RNF24: variants seen among roughly 807,000 people sequenced by gnomAD.
The protein encoded by RNF24 is ring finger protein 24.
RNF24 carries 14 observed loss-of-function variants against 20.0 expected under a neutral mutation model. The observed-to-expected ratio is 0.70, with a 90% confidence interval of 0.46 to 1.10. RNF24 has a LOEUF of 1.10. Ranked by LOEUF, RNF24 falls within the 50% of genes least tolerant of loss-of-function variation. The probability of loss-of-function intolerance (pLI) is 0.00; values close to 1 mark genes in which losing one functional copy is unlikely to be tolerated. For missense variants in RNF24, 124 were observed against 177.6 expected (o/e 0.70, Z 1.71); for synonymous variants, 45 against 61.1 (o/e 0.74, Z 1.23).
chr20:3,939,507 A>C (rs1006032856), intron 4 of RNF24, among the ~76,000 whole-genome samples: 47 of 152,164 alleles, frequency 3.1e-4, no homozygotes, highest in African/African-American at 1.1e-3. Flanking sequence ...ACTGACCATA[A>C]ATGTTTGAAT....
chr20:3,937,942 G>A (rs2090911419), intron 4 of RNF24, among the ~76,000 whole-genome samples: 1 of 152,200 alleles, frequency 6.6e-6, no homozygotes. Flanking sequence ...ATCTGGCTGA[G>A]TCCTTGTTTA....
Position 3,990,699 on chromosome 20 carries a change from T to C in RNF24, c.-8+24738A>G, listed in dbSNP as rs186491730. Among the ~76,000 whole-genome samples the C allele has an allele frequency of 9.9e-5, 15 of 151,958 alleles. No homozygotes were observed. The East Asian group carries it at 1.9e-3, about 20-fold the overall frequency. On this transcript the variant is annotated intron_variant, in intron 1 of 5. Transcript: ENST00000358395. The stretch of plus-strand genomic sequence containing the variant: ...CACAGTTAAAAAAATAATATATATA[T>C]ACACACACACATATATATATTTTTT...
intron 1 of RNF24, among the ~76,000 whole-genome samples, chr20:4,006,190 G>A (rs772666582): frequency 1.3e-5 from 2 of 152,250 alleles, no homozygotes; most frequent in Non-Finnish European, 2.9e-5. Context: ...CCAACATGGT[G>A]AAACCCTGTC....
chr20:3,946,138 T>A (rs1373047654), intron 3 of RNF24, among the ~76,000 whole-genome samples: 1 of 152,196 alleles, frequency 6.6e-6, no homozygotes, highest in Admixed American at 6.5e-5. Context: ...TACTTTCTAG[T>A]TAGCCTACAT....
intron 1 of RNF24, among the ~76,000 whole-genome samples, chr20:3,992,823 T>G (rs1223537363): frequency 6.6e-6 from 1 of 152,224 alleles, no homozygotes; most frequent in South Asian, 2.1e-4. Flanking sequence ...TTGGCTTAAA[T>G]AAGTCAAAAT....
chr20:3,970,248 C>T (rs370602714), intron 1 of RNF24, among the ~76,000 whole-genome samples: 4 of 152,072 alleles, frequency 2.6e-5, no homozygotes, highest in Non-Finnish European at 5.9e-5. Context: ...GCCCCGTCCC[C>T]GCCCCCCATG....
At chr20:4,009,073 C>T (rs1372306560) in intron 1 of RNF24, among the ~76,000 whole-genome samples, 1 of 152,174 alleles carries the variant, frequency 6.6e-6, no homozygotes, top group East Asian at 1.9e-4. Flanking sequence ...ACTTGTGCCA[C>T]CTGCTGTCCT....
intron 1 of RNF24, 170 bp downstream of exon 1, chr20:4,015,267 C>T (rs1229400358): frequency 6.6e-6 from 1 of 152,246 alleles, no homozygotes; most frequent in East Asian, 1.9e-4. Flanking sequence ...CACCGCCTCA[C>T]CCCTGCACAC....
chr20:3,946,242 G>A (rs241633), intron 3 of RNF24, among the ~76,000 whole-genome samples: 47,271 of 151,872 alleles, frequency 0.31, 8,069 homozygotes, highest in African/African-American at 0.46. Context: ...CGAGGTGGGC[G>A]GACTGCTTGA....
chr20:3,945,412 T>G (rs1036680766), intron 3 of RNF24, among the ~76,000 whole-genome samples, 194 bp from the exon 4 acceptor site: 1 of 152,142 alleles, frequency 6.6e-6, no homozygotes, highest in Non-Finnish European at 1.5e-5. Flanking sequence ...TGATGCAATA[T>G]TCTCCTAAAA....
intron 1 of RNF24, among the ~76,000 whole-genome samples, chr20:3,993,624 A>C (rs1406255753): frequency 6.6e-6 from 1 of 152,114 alleles, no homozygotes. Flanking sequence ...TTCCCATGAG[A>C]ACCTGCTGCC....
intron 1 of RNF24, among the ~76,000 whole-genome samples, chr20:3,980,566 G>A (rs1341696427): frequency 6.6e-6 from 1 of 152,124 alleles, no homozygotes; most frequent in East Asian, 1.9e-4. Context: ...AGTTGACCAT[G>A]AGTAACTGAA....
At chr20:3,940,642 T>C (rs1369541482) in intron 4 of RNF24, among the ~76,000 whole-genome samples, 3 of 152,112 alleles carry the variant, frequency 2.0e-5, no homozygotes, top group Admixed American at 1.3e-4. Context: ...TATCATAAAT[T>C]GCTGAAAACT....
chr20:3,991,893 T>C (rs919867730), intron 1 of RNF24, among the ~76,000 whole-genome samples: 60 of 151,914 alleles, frequency 3.9e-4, no homozygotes, highest in African/African-American at 1.3e-3. Context: ...TCTAATGAGA[T>C]TGCCGTTTCA....
intron 4 of RNF24, among the ~76,000 whole-genome samples, chr20:3,944,788 A>G (rs2090997855): frequency 1.3e-5 from 2 of 152,042 alleles, no homozygotes; most frequent in Admixed American, 1.3e-4. Flanking sequence ...TTCAATCCCT[A>G]CCCCCATGAG....
intron 1 of RNF24, among the ~76,000 whole-genome samples, chr20:4,013,502 C>T (rs1228256622): frequency 2.6e-5 from 4 of 151,942 alleles, no homozygotes; most frequent in Non-Finnish European, 5.9e-5. Context: ...TTTTTTCAGA[C>T]GGAGTTTCGC....
rs1164267381 is a variant in RNF24 at position 3,948,145 on chromosome 20, C to A, written c.186+92G>T. 4 of 862,714 alleles carry A rather than the reference C, an allele frequency of 4.6e-6. No homozygotes were observed. In the East Asian group the frequency reaches 1.0e-4, roughly 22 times the overall value. 53.4% of individuals were successfully genotyped at this position (862,714 alleles called of 1,614,324 possible). A position where few individuals can be genotyped will look rare whatever the true frequency, so the allele number is the denominator to read the frequency against. ...ATGCTAAAATGAACACAAGTAAATT[C>A]AGTCCCAGTTTAACGTATGAGTGGA... On this transcript the variant is annotated intron_variant, in intron 3 of 5. Coordinates refer to ENST00000358395, the MANE Select transcript of RNF24 (RefSeq NM_001134337.3).
At chr20:3,977,026 C>T (rs1978924233) in intron 1 of RNF24, among the ~76,000 whole-genome samples, 1 of 151,868 alleles carries the variant, frequency 6.6e-6, no homozygotes, top group Non-Finnish European at 1.5e-5. Flanking sequence ...TACAATGGAG[C>T]AACATCTATA....
intron 1 of RNF24, among the ~76,000 whole-genome samples, chr20:4,002,691 C>T (rs1325694253): frequency 6.6e-6 from 1 of 151,992 alleles, no homozygotes; most frequent in East Asian, 1.9e-4. Context: ...ATCATTTTTT[C>T]CTCAGATATG....
Sources: allele counts gnomAD v4.1 joint callset (sites outside exome capture counted in the v4.1 genomes callset), GRCh38; gene constraint gnomAD v4.1.1; transcripts MANE v1.5; gene names NCBI Gene and HGNC (gene_info 2026-07-23, HGNC 2026-07-21).